The following ARNT variants were observed in gnomAD, a reference collection of about 807,000 sequenced individuals.
The protein encoded by ARNT is class E basic helix-loop-helix protein 2.
A neutral mutation model predicts 105.0 loss-of-function variants in ARNT; 30 were observed. The observed-to-expected ratio is 0.29, with a 90% CI of 0.21 to 0.39. The LOEUF is 0.39. ARNT is among the 10% of genes least tolerant of loss of function. ARNT has a pLI of 1.00. For missense variants in ARNT, 748 were observed against 978.7 expected, an observed-to-expected ratio of 0.76 and a Z score of 3.15; for synonymous variants, 304 against 344.0, an observed-to-expected ratio of 0.88 and a Z score of 1.29.
At position 150,834,658 on chromosome 1, in the gene ARNT, G is replaced by A; in HGVS notation, c.701-18C>T. On this transcript the variant is annotated intron_variant, in intron 7 of 21. Coordinates refer to ENST00000358595, the MANE Select transcript of ARNT (RefSeq NM_001668.4). Reference sequence around the variant, plus strand: ...GATACGCCCTGAAGGAAGATGTGAAGAGCAGTCTGGAGTGCATTTTTGTGT... The same window carrying A: ...GATACGCCCTGAAGGAAGATGTGAAAAGCAGTCTGGAGTGCATTTTTGTGT... 1 of 1,608,320 alleles carries A rather than the reference G, an allele frequency of 6.2e-7. No individual in the cohort carries two copies. Among genetic ancestry groups the A allele is most frequent in the Non-Finnish European group, 8.5e-7 (1 of 1,174,986 alleles).
In ARNT at chr1:150,826,680, T is replaced by G. The variant is rs887658803; in HGVS notation, c.1168-63A>C. 3.1e-6 allele frequency: 4 copies of G among 1,304,592 alleles called. No homozygotes were observed. In the African/African-American group the frequency reaches 5.9e-5, roughly 19 times the overall value. The allele number at this position is 1,304,592 out of a possible 1,614,324, so 80.8% of individuals were successfully genotyped here. A position where few individuals can be genotyped will look rare whatever the true frequency, so the allele number is the denominator to read the frequency against. On this transcript the variant is annotated intron_variant, in intron 12 of 21. Transcript: ENST00000358595. ...TTTTTTTAAGATGGAGTTTCGCTCT[T>G]GTTGCCCAGGCTGGAGTACGATGGC...
At chr1:150,861,512 G>A (rs993446507) in intron 1 of ARNT, among the ~76,000 whole-genome samples, 1 of 152,164 alleles carries the variant, frequency 6.6e-6, no homozygotes. Flanking sequence ...CAGGTTAACG[G>A]ATAAAGAAAC....
chr1:150,816,916 G>A (rs1461657354), intron 17 of ARNT, 26 bp from the exon 18 acceptor site: 5 of 1,606,266 alleles, frequency 3.1e-6, no homozygotes, highest in Non-Finnish European at 4.2e-6. Context: ...AGTTGGGGAA[G>A]GGCCAGTCAA....
intron 10 of ARNT, 127 bp downstream of exon 10, chr1:150,831,691 C>G: frequency 1.6e-6 from 1 of 629,150 alleles, no homozygotes; most frequent in East Asian, 3.1e-5. Context: ...ATTTTCTTTT[C>G]CTATTTTCTT....
At position 150,816,375 on chromosome 1, in the gene ARNT, C is replaced by A; in HGVS notation, c.1834G>T (p.Val612Phe). ...TGTCCTGCAGAAGCTGATGGCTGGA[C>A]AATGGTTACAGGAGGGGCTAGGCCA... ...NSGLAPPVTIVQPSASAGQML... is the reference protein window; with the variant it reads ...NSGLAPPVTIFQPSASAGQML... The change falls in exon 19 of 22, where the codon GTC (valine) becomes TTC (phenylalanine). Residue 612 changes from valine to phenylalanine, a missense_variant. By Grantham distance (50) the Val-to-Phe change is conservative (BLOSUM62 -1). Around this residue, in one of 4 missense-constraint regions of ARNT, gnomAD observed 360 missense variants for 411.9 expected, o/e 0.87. Transcript: ENST00000358595. 1 of 1,607,406 alleles carries A rather than the reference C, an allele frequency of 6.2e-7. No individual in the cohort carries two copies. The highest frequency in any genetic ancestry group is 8.5e-7 in the Non-Finnish European group (1 of 1,178,194).
intron 1 of ARNT, among the ~76,000 whole-genome samples, chr1:150,863,815 CA>C (rs777644900): frequency 2.6e-4 from 35 of 135,230 alleles, no homozygotes; most frequent in Non-Finnish European, 2.9e-4. Context: ...AACTCCGTCT[CA>C]AAAAAAAAAA....
At chr1:150,872,742 C>T (rs1667648681) in intron 1 of ARNT, among the ~76,000 whole-genome samples, 1 of 152,142 alleles carries the variant, frequency 6.6e-6, no homozygotes, top group Non-Finnish European at 1.5e-5. Flanking sequence ...GCAGGAAGAT[C>T]ACTTGAGGCC....
In ARNT at chr1:150,809,869, CTGA is replaced by C. The variant is rs1250175236; in HGVS notation, c.*2149_*2151del. ...CCACCTCATGGTCAGAGCATTCCTG[CTGA>C]TGTTACTCAGAATGTGTCAGGATCA... On this transcript the variant is annotated 3_prime_UTR_variant, in exon 22 of 22. Coordinates refer to ENST00000358595, the MANE Select transcript of ARNT (RefSeq NM_001668.4). 4.0e-5 allele frequency: 9 copies of C among 224,062 alleles called. No individual in the cohort carries two copies. The highest frequency in any genetic ancestry group is 6.7e-5 in the African/African-American group (3 of 44,754). The allele number at this position is 224,062 out of a possible 1,614,324, so 13.9% of individuals were successfully genotyped here.
chr1:150,844,205 G>A (rs1661760324), intron 4 of ARNT, among the ~76,000 whole-genome samples: 1 of 152,058 alleles, frequency 6.6e-6, no homozygotes, highest in Non-Finnish European at 1.5e-5. Context: ...ATTTCAATTA[G>A]TTTCGATAAA....
chr1:150,859,513 ATTTT>A (rs914393279), intron 1 of ARNT, among the ~76,000 whole-genome samples: 1 of 146,500 alleles, frequency 6.8e-6, no homozygotes, highest in Admixed American at 6.8e-5. Flanking sequence ...CACCTCGGTG[ATTTT>A]TTTTTTCTTT....
chr1:150,831,588 T>C (rs979818871), intron 10 of ARNT: 112 of 480,150 alleles, frequency 2.3e-4, no homozygotes, highest in Non-Finnish European at 1.4e-4. Context: ...AACCACATTC[T>C]GTGACACAGC....
intron 1 of ARNT, among the ~76,000 whole-genome samples, chr1:150,867,554 T>C (rs1666806333): frequency 6.6e-6 from 1 of 152,064 alleles, no homozygotes; most frequent in South Asian, 2.1e-4. Context: ...ATCTTTTAAA[T>C]AGATAAAAAT....
At chr1:150,825,101 T>C (rs958216129) in intron 13 of ARNT, among the ~76,000 whole-genome samples, 1 of 151,598 alleles carries the variant, frequency 6.6e-6, no homozygotes, top group Non-Finnish European at 1.5e-5. Context: ...CTTCAAGTGA[T>C]CACCTGCCTC....
rs1660308373 is a variant in ARNT, at chr1:150,836,264, T to A, written c.700+16A>T. ...GAAAGGACTTCTCATTCATTTCCCA[T>A]ACACATAACTCTCACCTGTCAGGGC... On this transcript the variant is annotated intron_variant, in intron 7 of 21. Transcript: ENST00000358595. 1 of 1,610,940 alleles carries A rather than the reference T, an allele frequency of 6.2e-7. No individual in the cohort carries two copies. The highest frequency in any genetic ancestry group is 1.3e-5 in the African/African-American group (1 of 74,874).
chr1:150,858,257 G>T, intron 2 of ARNT, 92 bp downstream of exon 2: 1 of 909,370 alleles, frequency 1.1e-6, no homozygotes, highest in Non-Finnish European at 1.7e-6. Context: ...AGATGGTCAG[G>T]AATAGCGAAG....
intron 10 of ARNT, 66 bp from the exon 11 acceptor site, chr1:150,830,046 CAAGTA>C (rs1193166768): frequency 1.2e-5 from 18 of 1,559,206 alleles, no homozygotes; most frequent in African/African-American, 1.1e-4. Context: ...AAAACTCAGA[CAAGTA>C]AAGATTCAAA....
intron 1 of ARNT, among the ~76,000 whole-genome samples, chr1:150,863,702 A>C (rs1235024444): frequency 1.3e-5 from 2 of 151,886 alleles, no homozygotes; most frequent in East Asian, 1.9e-4. Flanking sequence ...CTGTAATCCC[A>C]GCTACTCAGG....
At chr1:150,849,246 T>G (rs913654084) in intron 3 of ARNT, among the ~76,000 whole-genome samples, 4 of 152,058 alleles carry the variant, frequency 2.6e-5, no homozygotes, top group African/African-American at 9.7e-5. Flanking sequence ...ATATTAAATC[T>G]GGGCACCCAC....
chr1:150,841,512 A>G (rs587628855), intron 5 of ARNT, among the ~76,000 whole-genome samples: 1 of 152,298 alleles, frequency 6.6e-6, no homozygotes, highest in South Asian at 2.1e-4. Flanking sequence ...TTAAACTGGC[A>G]GCAAAATGAG....
Sources: gnomAD v4.1 joint callset for allele counts (sites outside exome capture counted in the v4.1 genomes callset) on GRCh38, gnomAD v4.1.1 for gene constraint, gnomAD v4.1.1 regional missense constraint, MANE v1.5 for transcripts, NCBI Gene and HGNC (gene_info 2026-07-23, HGNC 2026-07-21) for gene names.